GRAP2: variants seen among roughly 807,000 people sequenced by gnomAD.
GRAP2 encodes GRB2 related adaptor protein 2, also known as GRB2-related adapter protein 2.
GRAP2 carries 31 observed loss-of-function variants against 43.5 expected under a neutral mutation model. The ratio of observed to expected loss-of-function variants is 0.71; its 90% CI spans 0.54 to 0.96. The LOEUF is 0.96. GRAP2 is among the 40% of genes least tolerant of loss of function. The pLI, the probability that GRAP2 is intolerant of heterozygous loss-of-function variation, is 0.00. For missense variants in GRAP2, 371 were observed against 424.4 expected, an observed-to-expected ratio of 0.87 and a Z score of 1.11; for synonymous variants, 156 against 164.8, an observed-to-expected ratio of 0.95 and a Z score of 0.41.
chr22:39,936,954 G>A (rs1054274994), intron 1 of GRAP2, among the ~76,000 whole-genome samples: 2 of 152,150 alleles, frequency 1.3e-5, no homozygotes, highest in African/African-American at 2.4e-5. Context: ...GGTTGAGAGG[G>A]CCTAAGCTAG....
At chr22:39,947,685 A>T in intron 2 of GRAP2, 1 of 158,202 alleles carries the variant, frequency 6.3e-6, no homozygotes, top group Non-Finnish European at 1.4e-5. Flanking sequence ...AAAGGCAGCC[A>T]CAGAGGACAT....
intron 1 of GRAP2, among the ~76,000 whole-genome samples, chr22:39,906,035 A>G (rs1019011715): frequency 4.6e-5 from 7 of 152,224 alleles, no homozygotes; most frequent in Non-Finnish European, 1.0e-4. Context: ...GAAACCTTGA[A>G]CATAAAATAC....
chr22:39,924,713 G>C (rs2066682612), intron 1 of GRAP2, among the ~76,000 whole-genome samples: 1 of 151,786 alleles, frequency 6.6e-6, no homozygotes, highest in South Asian at 2.1e-4. Flanking sequence ...AAAAAAAAAA[G>C]AAGTGACAAT....
chr22:39,943,080 G>A (rs965712198), intron 1 of GRAP2, among the ~76,000 whole-genome samples: 4 of 152,142 alleles, frequency 2.6e-5, no homozygotes, highest in South Asian at 2.1e-4. Context: ...TACATAAAAT[G>A]GAAACCTTAG....
chr22:39,918,666 A>T (rs2066624047), intron 1 of GRAP2, among the ~76,000 whole-genome samples: 1 of 152,196 alleles, frequency 6.6e-6, no homozygotes, highest in African/African-American at 2.4e-5. Context: ...AACAAAAAGG[A>T]TTTATCTAAA....
chr22:39,927,058 C>T (rs1892765474), intron 1 of GRAP2, among the ~76,000 whole-genome samples: 1 of 152,166 alleles, frequency 6.6e-6, no homozygotes, highest in Admixed American at 6.5e-5. Flanking sequence ...CAGAGAGAAA[C>T]TTGTCTCTTC....
chr22:39,903,415 C>T (rs1025309307), intron 1 of GRAP2, among the ~76,000 whole-genome samples: 15 of 150,804 alleles, frequency 9.9e-5, no homozygotes, highest in African/African-American at 3.2e-4. Context: ...TTTGGGAGGC[C>T]GAGGTGGGCA....
chr22:39,920,369 C>T (rs547529067), intron 1 of GRAP2, among the ~76,000 whole-genome samples: 1 of 152,300 alleles, frequency 6.6e-6, no homozygotes, highest in African/African-American at 2.4e-5. Context: ...GATAACACAT[C>T]TAAATTCAAA....
chr22:39,938,938 C>T lies in GRAP2; in HGVS notation c.-14-8155C>T, dbSNP rs116712596. On this transcript the variant is annotated intron_variant, in intron 1 of 7. Transcript: ENST00000344138. The stretch of plus-strand genomic sequence containing the variant: ...ATTCTCGGACAAGCTGCAGAGGCCC[C>T]CCTCGTTCCATGTGTTCACCCCTGC... Among the ~76,000 whole-genome samples, 455 of 152,220 alleles carry T rather than the reference C, an allele frequency of 3.0e-3. 1 individual carries two copies. Among genetic ancestry groups the T allele is most frequent in the African/African-American group, 9.3e-3 (388 of 41,544 alleles).
chr22:39,970,869 A>G, intron 7 of GRAP2, 36 bp from the exon 8 acceptor site: 1 of 1,533,766 alleles, frequency 6.5e-7, no homozygotes, highest in Non-Finnish European at 8.8e-7. Flanking sequence ...CCCAGCCCAC[A>G]GCTCAGCAGA....
chr22:39,907,812 C>G (rs1230047528), intron 1 of GRAP2, among the ~76,000 whole-genome samples: 2 of 152,206 alleles, frequency 1.3e-5, no homozygotes, highest in African/African-American at 4.8e-5. Context: ...TTGAGGTAGA[C>G]AGACCACAGA....
intron 1 of GRAP2, among the ~76,000 whole-genome samples, chr22:39,927,689 G>A (rs145792287): frequency 6.6e-6 from 1 of 151,980 alleles, no homozygotes; most frequent in East Asian, 1.9e-4. Flanking sequence ...TCTCACCCAT[G>A]ACTACTTGAT....
At chr22:39,897,738 C>T (rs1453558456), upstream of GRAP2, among the ~76,000 whole-genome samples, 4 of 152,010 alleles carry the variant, frequency 2.6e-5, no homozygotes, top group Non-Finnish European at 4.4e-5. Flanking sequence ...AGGATGGTCT[C>T]AAACTCCCGA....
At chr22:39,908,917 G>A (rs1462327624) in intron 1 of GRAP2, among the ~76,000 whole-genome samples, 1 of 152,184 alleles carries the variant, frequency 6.6e-6, no homozygotes, top group East Asian at 1.9e-4. Context: ...TGATGAGAGT[G>A]ACAGAGCATG....
At chr22:39,950,809 G>A (rs1005264241) in intron 2 of GRAP2, among the ~76,000 whole-genome samples, 2 of 152,172 alleles carry the variant, frequency 1.3e-5, no homozygotes, top group African/African-American at 4.8e-5. Flanking sequence ...ATGGTGATTG[G>A]TTCCCATGGC....
At chr22:39,921,431 T>C (rs577814893) in intron 1 of GRAP2, among the ~76,000 whole-genome samples, 1 of 152,392 alleles carries the variant, frequency 6.6e-6, no homozygotes, top group African/African-American at 2.4e-5. Context: ...TCTGTAATAG[T>C]GACTTGAAAT....
chr22:39,962,526 A>C (rs990583076), intron 4 of GRAP2, among the ~76,000 whole-genome samples: 1 of 152,118 alleles, frequency 6.6e-6, no homozygotes, highest in Admixed American at 6.5e-5. Context: ...AGTCAAATCT[A>C]TTTCTTAAGC....
intron 1 of GRAP2, among the ~76,000 whole-genome samples, chr22:39,907,301 A>C (rs747462671): frequency 2.0e-5 from 3 of 152,202 alleles, no homozygotes; most frequent in African/African-American, 4.8e-5. Context: ...GGGAAAAAAA[A>C]CCAACGATGC....
intron 4 of GRAP2, 23 bp from the exon 5 acceptor site, chr22:39,965,966 AT>A (rs2067168549): frequency 6.2e-7 from 1 of 1,606,478 alleles, no homozygotes. Flanking sequence ...GTAACATACA[AT>A]TTTGTTTTGC....
Sources: gnomAD v4.1 joint callset for allele counts (sites outside exome capture counted in the v4.1 genomes callset) on GRCh38, gnomAD v4.1.1 for gene constraint, MANE v1.5 for transcripts, NCBI Gene and HGNC (gene_info 2026-07-23, HGNC 2026-07-21) for gene names.